PTPN5: variants seen among roughly 807,000 people sequenced by gnomAD.
PTPN5 encodes protein tyrosine phosphatase non-receptor type 5.
Under a neutral mutation model 73.9 loss-of-function variants are expected in PTPN5, and 29 were observed. The ratio of observed to expected loss-of-function variants is 0.39; its 90% confidence interval spans 0.29 to 0.54. The LOEUF (loss-of-function observed/expected upper bound fraction) is 0.54. Among genes scored for constraint, PTPN5 ranks in the 20% least tolerant of loss-of-function variants. The pLI is 0.65. For missense variants in PTPN5, 652 were observed against 751.4 expected (o/e 0.87, Z 1.55); for synonymous variants, 267 against 304.7 (o/e 0.88, Z 1.29).
chr11:18,756,694 G>A (rs567278465), intron 3 of PTPN5, among the ~76,000 whole-genome samples: 19 of 151,960 alleles, frequency 1.3e-4, no homozygotes, highest in South Asian at 8.3e-4. Flanking sequence ...AGGCCGAGGC[G>A]GGCGGATCAT....
At chr11:18,745,117 C>T (rs1428953396) in intron 3 of PTPN5, among the ~76,000 whole-genome samples, 1 of 152,202 alleles carries the variant, frequency 6.6e-6, no homozygotes, top group Non-Finnish European at 1.5e-5. Flanking sequence ...GCTGCGGCCA[C>T]CTCAGTGAGT....
chr11:18,777,157 T>G (rs536817459), intron 1 of PTPN5, among the ~76,000 whole-genome samples: 1 of 145,018 alleles, frequency 6.9e-6, no homozygotes, highest in African/African-American at 2.5e-5. Flanking sequence ...TGAGACTCCA[T>G]CTCAAAACAA....
chr11:18,744,042 C>T lies in PTPN5; in HGVS notation c.255G>A (p.Arg85=), dbSNP rs775737680. Residue 85 remains arginine (R), a synonymous_variant, in exon 4 of 15, where the codon AGG becomes AGA. Transcript: ENST00000358540. ...RGAGSHSLTV[R]SSLCLFAASQ... is the part of the protein sequence containing the mutation. ...AGGCAGCGAACAGGCACAGGCTGCT[C>T]CTGACAGTGAGGGAGTGGCTCCCAG... 1.7e-5 allele frequency: 27 copies of T among 1,608,932 alleles called. No homozygotes were observed. In the South Asian group the frequency reaches 2.7e-4, roughly 16 times the overall value.
chr11:18,782,602 A>G (rs1851490381), intron 1 of PTPN5, among the ~76,000 whole-genome samples: 1 of 152,232 alleles, frequency 6.6e-6, no homozygotes, highest in Non-Finnish European at 1.5e-5. Flanking sequence ...GGAACAGACA[A>G]AATCCATCTA....
At chr11:18,769,492 C>G (rs1342085947) in intron 2 of PTPN5, among the ~76,000 whole-genome samples, 1 of 152,182 alleles carries the variant, frequency 6.6e-6, no homozygotes, top group Non-Finnish European at 1.5e-5. Flanking sequence ...CAACCTCTAC[C>G]TCCCCGGTTC....
intron 7 of PTPN5, among the ~76,000 whole-genome samples, chr11:18,741,736 G>A (rs1315736334): frequency 5.3e-5 from 8 of 152,124 alleles, no homozygotes; most frequent in Non-Finnish European, 1.0e-4. Context: ...GAGAGAGGCG[G>A]GCAAGGGATG....
intron 4 of PTPN5, 43 bp from the exon 5 acceptor site, chr11:18,743,472 TCCC>T (rs1849469620): frequency 6.5e-7 from 1 of 1,538,548 alleles, no homozygotes; most frequent in Non-Finnish European, 9.0e-7. Flanking sequence ...CCGGCCCCCT[TCCC>T]CCGTGTTCCC....
At chr11:18,768,043 A>G (rs1850715033) in intron 2 of PTPN5, among the ~76,000 whole-genome samples, 1 of 152,236 alleles carries the variant, frequency 6.6e-6, no homozygotes, top group African/African-American at 2.4e-5. Flanking sequence ...GGCAGGGTCC[A>G]CTATTTCTGT....
intron 1 of PTPN5, among the ~76,000 whole-genome samples, chr11:18,774,280 A>T (rs1350414979): frequency 6.6e-6 from 1 of 152,242 alleles, no homozygotes. Flanking sequence ...TGTGCAAACC[A>T]CCAACAAAGG....
intron 3 of PTPN5, among the ~76,000 whole-genome samples, chr11:18,745,587 G>T (rs1406582350): frequency 1.7e-4 from 26 of 152,036 alleles, no homozygotes; most frequent in Non-Finnish European, 2.9e-5. Context: ...TATTCATCTT[G>T]TAGACCTCAA....
At position 18,765,886 on chromosome 11, in the gene PTPN5, G is replaced by A; in HGVS notation, c.21-3C>T. On this transcript the variant is annotated splice_region_variant and splice_polypyrimidine_tract_variant and intron_variant, in intron 2 of 14. Transcript: ENST00000358540. ...CAGCGTGGTTCTCTCTCTCACTCCTGCAGCAGGATGGAAAAGGTAAGAATA... is the reference window on the plus strand; with the variant it reads ...CAGCGTGGTTCTCTCTCTCACTCCTACAGCAGGATGGAAAAGGTAAGAATA... 6.4e-7 allele frequency: 1 copy of A among 1,567,208 alleles called. No individual in the cohort carries two copies. The highest frequency in any genetic ancestry group is 8.7e-7 in the Non-Finnish European group (1 of 1,154,138).
In PTPN5 at chr11:18,774,382, C is replaced by T. The variant is rs190638129; in HGVS notation, c.-113-2311G>A. ...CAAGTTGTCTGGGGCAGCCTTTGGA[C>T]AAGAGAGGCATCCCAGGACCATGTG... is the stretch of plus-strand genomic sequence containing the variant. On this transcript the variant is annotated intron_variant, in intron 1 of 14. Transcript: ENST00000358540. 1.6e-4 allele frequency among the ~76,000 whole-genome samples: 25 copies of T among 152,324 alleles called. No individual in the cohort carries two copies. The East Asian group carries it at 4.8e-3, about 29-fold the overall frequency.
At chr11:18,734,220 C>G (rs1849016578) in intron 9 of PTPN5, among the ~76,000 whole-genome samples, 1 of 152,220 alleles carries the variant, frequency 6.6e-6, no homozygotes, top group Non-Finnish European at 1.5e-5. Flanking sequence ...TTGACGGAGG[C>G]TATTAACATG....
intron 12 of PTPN5, chr11:18,730,159 T>G (rs976269945): frequency 4.2e-6 from 2 of 473,598 alleles, no homozygotes; most frequent in Non-Finnish European, 7.4e-6. Context: ...AGTCATCCCT[T>G]TGTCACATAA....
At chr11:18,747,377 C>G (rs1849689866) in intron 3 of PTPN5, among the ~76,000 whole-genome samples, 1 of 152,122 alleles carries the variant, frequency 6.6e-6, no homozygotes, top group South Asian at 2.1e-4. Flanking sequence ...TCTTGAACTC[C>G]TGACCTCAGG....
At chr11:18,751,017 C>A (rs1199991320) in intron 3 of PTPN5, among the ~76,000 whole-genome samples, 1 of 152,152 alleles carries the variant, frequency 6.6e-6, no homozygotes, top group Non-Finnish European at 1.5e-5. Context: ...GGAGGTACTG[C>A]TAGAGGAACT....
chr11:18,737,030 T>C (rs1849144317), intron 9 of PTPN5, among the ~76,000 whole-genome samples: 1 of 152,216 alleles, frequency 6.6e-6, no homozygotes, highest in South Asian at 2.1e-4. Context: ...ATCTTACATG[T>C]TGTTGGAGAT....
chr11:18,780,643 C>T (rs1006330437), intron 1 of PTPN5, among the ~76,000 whole-genome samples: 3 of 152,122 alleles, frequency 2.0e-5, no homozygotes, highest in South Asian at 4.1e-4. Context: ...TGGCTCAATC[C>T]TTCCCCCAGC....
At chr11:18,743,968 C>A in intron 4 of PTPN5, 38 bp downstream of exon 4, 1 of 1,523,198 alleles carries the variant, frequency 6.6e-7, no homozygotes, top group Non-Finnish European at 8.8e-7. Flanking sequence ...TCCACCCACC[C>A]TCTCTCCAGA....
Sources: allele counts gnomAD v4.1 joint callset (sites outside exome capture counted in the v4.1 genomes callset), GRCh38; gene constraint gnomAD v4.1.1; transcripts MANE v1.5; gene names NCBI Gene and HGNC (gene_info 2026-07-23, HGNC 2026-07-21).